The following TBK1 variants were observed in gnomAD, a reference collection of about 807,000 sequenced individuals.
TBK1 encodes serine/threonine-protein kinase TBK1.
Under a neutral mutation model 99.9 loss-of-function variants are expected in TBK1, and 37 were observed. That is an observed-to-expected ratio of 0.37 (90% CI 0.28 to 0.49). The LOEUF (loss-of-function observed/expected upper bound fraction) is 0.49, where lower values mean the gene tolerates loss of function less well. TBK1 is among the 20% of genes least tolerant of loss of function. The probability of loss-of-function intolerance (pLI) is 0.98; values close to 1 mark genes in which losing one functional copy is unlikely to be tolerated. For synonymous variants in TBK1, 258 were observed against 279.8 expected (o/e 0.92, Z 0.78); for missense variants, 644 against 872.5 (o/e 0.74, Z 3.30).
intron 13 of TBK1, among the ~76,000 whole-genome samples, chr12:64,493,691 T>C (rs1363515506): frequency 2.0e-5 from 3 of 152,066 alleles, no homozygotes; most frequent in Admixed American, 6.6e-5. Flanking sequence ...TGGGAACTTA[T>C]TAGAAATGCA....
chr12:64,482,858 A>G (rs1033850072), intron 8 of TBK1, among the ~76,000 whole-genome samples: 1 of 152,220 alleles, frequency 6.6e-6, no homozygotes, highest in African/African-American at 2.4e-5. Context: ...TTTTAGAACT[A>G]TTCCCATCAT....
intron 4 of TBK1, among the ~76,000 whole-genome samples, chr12:64,466,227 A>G (rs932868540): frequency 9.2e-5 from 14 of 152,178 alleles, no homozygotes; most frequent in African/African-American, 3.4e-4. Flanking sequence ...AACCTTTTAC[A>G]TATTTTGAAT....
chr12:64,489,986 T>C, intron 12 of TBK1, 55 bp from the exon 13 acceptor site: 1 of 1,052,066 alleles, frequency 9.5e-7, no homozygotes, highest in South Asian at 1.6e-5. Context: ...AACATCTTTT[T>C]AAAACTATGT....
intron 3 of TBK1, among the ~76,000 whole-genome samples, chr12:64,463,263 T>G (rs2040567792): frequency 6.6e-6 from 1 of 151,922 alleles, no homozygotes; most frequent in South Asian, 2.1e-4. Flanking sequence ...TCCCATCTAT[T>G]CAGGAGGCTG....
intron 11 of TBK1, among the ~76,000 whole-genome samples, chr12:64,488,247 T>C (rs1315157375): frequency 6.6e-6 from 1 of 152,240 alleles, no homozygotes; most frequent in Non-Finnish European, 1.5e-5. Context: ...AATGTAATTT[T>C]AATACCTTAG....
intron 5 of TBK1, among the ~76,000 whole-genome samples, chr12:64,472,613 C>T (rs141843745): frequency 8.0e-4 from 121 of 151,886 alleles, no homozygotes; most frequent in African/African-American, 2.8e-3. Context: ...TTTGTGAGCT[C>T]CTAAACAATT....
chr12:64,484,397 C>T lies in TBK1; in HGVS notation c.1087C>T (p.Pro363Ser). 1.2e-6 allele frequency: 2 copies of T among 1,614,074 alleles called. No homozygotes were observed. Among genetic ancestry groups the T allele is most frequent in the Non-Finnish European group, 1.7e-6 (2 of 1,180,006 alleles). ...IYEGRRLVLE[P>S]GRLAQHFPKT... ...CGAAGGGCGACGCTTAGTCTTAGAA[C>T]CTGGAAGGCTGGCACAACATTTCCC... The change falls in exon 9 of 21, where the codon CCT (proline) becomes TCT (serine). Residue 363 changes from proline to serine, a missense_variant. Pro to Ser is a moderately conservative substitution (Grantham distance 74). Coordinates refer to ENST00000331710, the MANE Select transcript of TBK1 (RefSeq NM_013254.4).
At chr12:64,488,671 C>T in intron 12 of TBK1, 83 bp downstream of exon 12, 1 of 978,878 alleles carries the variant, frequency 1.0e-6, no homozygotes, top group African/African-American at 1.7e-5. Flanking sequence ...ATCCTTGGCA[C>T]AATATGGCAT....
rs537506329 is a variant in TBK1 at position 64,465,645 on chromosome 12, G to C, written c.358+1182G>C. ...TATATGCTACAACATGGATGAACTT[G>C]AAAACATTATGCTAAGTGAAAGAAG... On this transcript the variant is annotated intron_variant, in intron 4 of 20. Transcript: ENST00000331710. 2.0e-5 allele frequency among the ~76,000 whole-genome samples: 3 copies of C among 152,278 alleles called. No individual in the cohort carries two copies. In the South Asian group the frequency reaches 6.2e-4, roughly 32 times the overall value.
chr12:64,488,802 G>GGTGA (rs2040842480), intron 12 of TBK1, among the ~76,000 whole-genome samples: 1 of 152,178 alleles, frequency 6.6e-6, no homozygotes, highest in African/African-American at 2.4e-5. Flanking sequence ...GACCATCCTA[G>GGTGA]CCAACATGGT....
chr12:64,500,382 A>C (rs2040976639), intron 20 of TBK1, among the ~76,000 whole-genome samples: 1 of 152,044 alleles, frequency 6.6e-6, no homozygotes, highest in Admixed American at 6.6e-5. Flanking sequence ...ATACCCTCTC[A>C]ACAAGTTTGG....
intron 18 of TBK1, 52 bp downstream of exon 18, chr12:64,497,311 T>G: frequency 2.4e-6 from 3 of 1,255,270 alleles, no homozygotes; most frequent in Non-Finnish European, 3.3e-6. Context: ...TTATAACTGA[T>G]AGTGATTGAC....
At chr12:64,500,972 C>T (rs934743708) in intron 20 of TBK1, among the ~76,000 whole-genome samples, 5 of 151,884 alleles carry the variant, frequency 3.3e-5, no homozygotes, top group African/African-American at 1.2e-4. Context: ...TTGGCCAGGC[C>T]GGTCTCAAAC....
chr12:64,467,189 AAAATT>A lies in TBK1; in HGVS notation c.540+113_540+117del, dbSNP rs1241557599. 6.8e-6 allele frequency: 6 copies of A among 885,870 alleles called. No homozygotes were observed. The East Asian group carries it at 1.8e-4, about 27-fold the overall frequency. The allele number at this position is 885,870 out of a possible 1,614,324, so 54.9% of individuals were successfully genotyped here. On this transcript the variant is annotated intron_variant, in intron 5 of 20. Coordinates refer to ENST00000331710, the MANE Select transcript of TBK1 (RefSeq NM_013254.4). The stretch of plus-strand genomic sequence containing the variant: ...ACTATAAAATGTCATTTTTATGACA[AAAATT>A]AAATTTTCTATTCTAATGAATATGT...
chr12:64,462,610 A>C (rs1263035805), intron 3 of TBK1, among the ~76,000 whole-genome samples: 1 of 151,994 alleles, frequency 6.6e-6, no homozygotes, highest in African/African-American at 2.4e-5. Flanking sequence ...TACTATGATT[A>C]TTTCTCTCTC....
intron 11 of TBK1, among the ~76,000 whole-genome samples, chr12:64,486,855 C>T (rs888603593): frequency 2.2e-4 from 34 of 152,148 alleles, no homozygotes; most frequent in African/African-American, 7.2e-4. Flanking sequence ...CAGAAAGTAT[C>T]TCTGCATCCA....
At chr12:64,463,244 C>T (rs2040567576) in intron 3 of TBK1, among the ~76,000 whole-genome samples, 1 of 151,890 alleles carries the variant, frequency 6.6e-6, no homozygotes, top group African/African-American at 2.4e-5. Context: ...TGGTGGCACT[C>T]GTCTGTAGTC....
chr12:64,473,205 G>A (rs974099924), intron 5 of TBK1, among the ~76,000 whole-genome samples: 6 of 152,158 alleles, frequency 3.9e-5, no homozygotes, highest in African/African-American at 1.4e-4. Context: ...TTTAGATATC[G>A]AGAGAATAGT....
At chr12:64,457,313 C>A (rs2136054215) in intron 2 of TBK1, among the ~76,000 whole-genome samples, 1 of 152,226 alleles carries the variant, frequency 6.6e-6, no homozygotes, top group South Asian at 2.1e-4. Flanking sequence ...CTTTCCTCCC[C>A]CTGTATCTAG....
Sources: gnomAD v4.1 joint callset for allele counts (sites outside exome capture counted in the v4.1 genomes callset) on GRCh38, gnomAD v4.1.1 for gene constraint, MANE v1.5 for transcripts, NCBI Gene and HGNC (gene_info 2026-07-23, HGNC 2026-07-21) for gene names.